The following MRPL32 variants were observed in gnomAD, a reference collection of about 807,000 sequenced individuals.
MRPL32 encodes the protein large ribosomal subunit protein bL32m.
Under a neutral mutation model 21.7 loss-of-function variants are expected in MRPL32, and 14 were observed. That is an observed-to-expected ratio of 0.64 (90% confidence interval 0.43 to 1.01). The LOEUF is 1.01. Among genes scored for constraint, MRPL32 ranks in the 50% least tolerant of loss-of-function variants. MRPL32 has a pLI of 0.00. For missense variants in MRPL32, 211 were observed against 235.9 expected (o/e 0.89, Z 0.69); for synonymous variants, 83 against 87.7 (o/e 0.95, Z 0.30).
In MRPL32 at chr7:42,937,452, C is replaced by G. The variant is rs544408989; in HGVS notation, c.443C>G (p.Pro148Arg). The part of the protein sequence containing the change: ...RRQIGKQEGG[P>R]FKAPTIETVV... Reference sequence around the variant, plus strand: ...CAGATAGGGAAGCAAGAAGGGGGCCCTTTTAAGGCTCCCACCATAGAGACT... The same window carrying G: ...CAGATAGGGAAGCAAGAAGGGGGCCGTTTTAAGGCTCCCACCATAGAGACT... Residue 148 changes from proline to arginine, a missense_variant, in exon 3 of 3, where the codon CCT (proline) becomes CGT (arginine). By Grantham distance (103) the Pro-to-Arg change is moderately radical. Coordinates refer to ENST00000223324, the MANE Select transcript of MRPL32 (RefSeq NM_031903.3). The G allele has an allele frequency of 1.2e-6, 2 of 1,614,016 alleles. No homozygotes were observed. Among genetic ancestry groups the G allele is most frequent in the East Asian group, 2.2e-5 (1 of 44,874 alleles).
chr7:42,935,686 C>T (rs1268349958), intron 2 of MRPL32: 1 of 152,036 alleles, frequency 6.6e-6, no homozygotes, highest in Non-Finnish European at 1.5e-5. Context: ...TGTCTTATAG[C>T]CCTCCAAAGC....
intron 1 of MRPL32, among the ~76,000 whole-genome samples, chr7:42,934,032 G>A (rs2128675924): frequency 6.6e-6 from 1 of 152,252 alleles, no homozygotes; most frequent in Admixed American, 6.5e-5. Context: ...ACTTTGGGAG[G>A]CCAAGGTGGG....
intron 2 of MRPL32, chr7:42,936,711 C>CAT (rs1040087927): frequency 1.3e-5 from 2 of 155,368 alleles, no homozygotes; most frequent in Admixed American, 6.2e-5. Flanking sequence ...TATACACACA[C>CAT]ATATATATAT....
intron 1 of MRPL32, among the ~76,000 whole-genome samples, chr7:42,934,280 A>T (rs1282736698): frequency 2.0e-5 from 3 of 152,098 alleles, no homozygotes; most frequent in Admixed American, 1.3e-4. Context: ...AAAAAAAAAA[A>T]AAAAGTATGG....
intron 1 of MRPL32, among the ~76,000 whole-genome samples, chr7:42,934,100 C>G (rs1786381720): frequency 6.6e-6 from 1 of 152,042 alleles, no homozygotes; most frequent in Non-Finnish European, 1.5e-5. Flanking sequence ...GAAACCCTGT[C>G]TCTACTAAAA....
chr7:42,936,936 C>G (rs1023701148), intron 2 of MRPL32: 4 of 339,554 alleles, frequency 1.2e-5, no homozygotes, highest in Non-Finnish European at 2.3e-5. Context: ...AAAGGGAATT[C>G]ACTTTTCCTT....
rs567766779 is a variant in MRPL32, at chr7:42,937,504, G to A, written c.495G>A (p.Pro165=). 95 of 1,614,070 alleles carry A rather than the reference G, an allele frequency of 5.9e-5. 1 individual carries two copies. The highest frequency in any genetic ancestry group is 4.0e-4 in the South Asian group (36 of 91,088). ...ETVVLYTGET[P]SEQDQGKRII... ...TGGTGCTGTACACGGGAGAGACACC[G>A]TCTGAACAAGATCAGGGCAAGAGGA... Residue 165 remains proline, a synonymous_variant, in exon 3 of 3, where the codon CCG becomes CCA. Coordinates refer to ENST00000223324, the MANE Select transcript of MRPL32 (RefSeq NM_031903.3).
chr7:42,935,050 T>G lies in MRPL32; in HGVS notation c.226T>G (p.Phe76Val). 1 of 1,614,114 alleles carries G rather than the reference T, an allele frequency of 6.2e-7. No homozygotes were observed. The highest frequency in any genetic ancestry group is 1.1e-5 in the South Asian group (1 of 91,078). ...GAATTCCAGCCTTTTGGACAGTATC[T>G]TTTGGATGGCAGCTCCCAAAAATAG... ...KENSSLLDSI[F>V]WMAAPKNRRT... The change falls in exon 2 of 3, where the codon TTT becomes GTT. Residue 76 changes from phenylalanine to valine, a missense_variant. Coordinates refer to ENST00000223324, the MANE Select transcript of MRPL32 (RefSeq NM_031903.3).
intron 2 of MRPL32, chr7:42,936,518 G>A (rs1416307430): frequency 6.6e-6 from 1 of 152,018 alleles, no homozygotes; most frequent in East Asian, 1.9e-4. Context: ...ACAAATGTTA[G>A]TATATTAATC....
chr7:42,937,620 C>G lies in MRPL32; in HGVS notation c.*44C>G. On this transcript the variant is annotated 3_prime_UTR_variant, in exon 3 of 3. Transcript: ENST00000223324. ...GGTAACTTCACAGTAAATCATTTCTCCTGAAATAGAGGAAGATTCTTTATG... is the reference window on the plus strand; with the variant it reads ...GGTAACTTCACAGTAAATCATTTCTGCTGAAATAGAGGAAGATTCTTTATG... 1 of 1,536,928 alleles carries G rather than the reference C, an allele frequency of 6.5e-7. No homozygotes were observed. The highest frequency in any genetic ancestry group is 8.8e-7 in the Non-Finnish European group (1 of 1,137,332).
At position 42,937,793 on chromosome 7, in the gene MRPL32, C is replaced by T. The variant is rs74677135; in HGVS notation, c.*217C>T. 7.5e-4 allele frequency: 303 copies of T among 402,494 alleles called. 3 individuals are homozygous for T. In the East Asian group the frequency reaches 9.8e-3, roughly 13 times the overall value. 24.9% of individuals were successfully genotyped at this position (402,494 alleles called of 1,614,324 possible). A position where few individuals can be genotyped will look rare whatever the true frequency, so the allele number is the denominator to read the frequency against. ...CAATGGATTATGTTTCTATTATATA[C>T]AAGGTTTTAAGTAAACATAAAATTT... On this transcript the variant is annotated 3_prime_UTR_variant, in exon 3 of 3. Transcript: ENST00000223324.
intron 1 of MRPL32, 59 bp downstream of exon 1, chr7:42,932,575 G>C: frequency 6.6e-7 from 1 of 1,515,688 alleles, no homozygotes; most frequent in Non-Finnish European, 8.9e-7. Flanking sequence ...GGGCAGCGTA[G>C]CAGACGCAGC....
At chr7:42,934,150 C>G (rs1433306083) in intron 1 of MRPL32, among the ~76,000 whole-genome samples, 1 of 151,710 alleles carries the variant, frequency 6.6e-6, no homozygotes, top group Non-Finnish European at 1.5e-5. Context: ...CACCTGTAAT[C>G]CCAGCTACTT....
intron 1 of MRPL32, among the ~76,000 whole-genome samples, chr7:42,934,173 C>T (rs1468355748): frequency 1.3e-5 from 2 of 150,916 alleles, no homozygotes; most frequent in African/African-American, 2.4e-5. Flanking sequence ...GAGGCTGAGG[C>T]AGGAGAATCA....
chr7:42,937,187 A>G (rs1786439064), intron 2 of MRPL32, 135 bp from the exon 3 acceptor site: 2 of 1,567,814 alleles, frequency 1.3e-6, no homozygotes, highest in Non-Finnish European at 1.7e-6. Context: ...GTGAGGTGGA[A>G]CTAGATGGTG....
chr7:42,932,890 A>C (rs372176309), intron 1 of MRPL32, among the ~76,000 whole-genome samples: 111 of 152,190 alleles, frequency 7.3e-4, no homozygotes, highest in African/African-American at 2.6e-3. Flanking sequence ...GGGCGTTTTA[A>C]AGGGAGAATG....
intron 2 of MRPL32, chr7:42,937,092 T>C: frequency 1.0e-6 from 1 of 973,606 alleles, no homozygotes; most frequent in South Asian, 1.4e-5. Flanking sequence ...TAAGTAAAGA[T>C]ACCAGATTCA....
chr7:42,937,079 G>A (rs1236574477), intron 2 of MRPL32: 1 of 832,704 alleles, frequency 1.2e-6, no homozygotes, highest in Non-Finnish European at 1.9e-6. Flanking sequence ...CAACTGCTGT[G>A]TTTAAGTAAA....
intron 2 of MRPL32, chr7:42,937,030 G>A: frequency 2.1e-6 from 1 of 467,046 alleles, no homozygotes; most frequent in Non-Finnish European, 4.0e-6. Context: ...TTTGGAGTTA[G>A]GGGAAATGAG....
Sources: allele counts gnomAD v4.1 joint callset (sites outside exome capture counted in the v4.1 genomes callset), GRCh38; gene constraint gnomAD v4.1.1; transcripts MANE v1.5; gene names NCBI Gene and HGNC (gene_info 2026-07-23, HGNC 2026-07-21).